Variants in GRID2 observed in about 807,000 individuals in gnomAD.
The protein encoded by GRID2 is glutamate receptor ionotropic, delta-2.
A neutral mutation model predicts 114.8 loss-of-function variants in GRID2; 33 were observed. That is an observed-to-expected ratio of 0.29 (90% CI 0.22 to 0.38). GRID2 has a LOEUF of 0.38. Among genes scored for constraint, GRID2 ranks in the 10% least tolerant of loss-of-function variants. GRID2 has a pLI of 1.00. For synonymous variants in GRID2, 505 were observed against 449.9 expected (o/e 1.12, Z -1.55); for missense variants, 1,184 against 1,257.7 (o/e 0.94, Z 0.89).
At chr4:92,487,215 CAA>C (rs1722939711) in intron 1 of GRID2, among the ~76,000 whole-genome samples, 1 of 151,868 alleles carries the variant, frequency 6.6e-6, no homozygotes, top group African/African-American at 2.4e-5. Flanking sequence ...AAGTTTAATT[CAA>C]GACTAATTTT....
intron 13 of GRID2, among the ~76,000 whole-genome samples, chr4:93,594,484 G>C (rs1053294948): frequency 6.6e-6 from 1 of 152,178 alleles, no homozygotes; most frequent in Non-Finnish European, 1.5e-5. Context: ...ATTTAAGTCT[G>C]CAGAGGTTAC....
intron 2 of GRID2, among the ~76,000 whole-genome samples, chr4:92,898,331 A>G: frequency 6.6e-6 from 1 of 152,178 alleles, no homozygotes; most frequent in Non-Finnish European, 1.5e-5. Context: ...TTAACCATAT[A>G]TAGAACCTAG....
chr4:93,649,822 A>G (rs1270071324), intron 14 of GRID2, among the ~76,000 whole-genome samples: 1 of 152,186 alleles, frequency 6.6e-6, no homozygotes, highest in African/African-American at 2.4e-5. Flanking sequence ...CTGTCGCATA[A>G]CTTTATAACT....
intron 2 of GRID2, among the ~76,000 whole-genome samples, chr4:92,720,997 C>T (rs1218620093): frequency 6.6e-6 from 1 of 152,074 alleles, no homozygotes; most frequent in Non-Finnish European, 1.5e-5. Context: ...TCTGACACAT[C>T]ATACTGCAGT....
At chr4:92,561,846 A>C (rs1009444543) in intron 1 of GRID2, among the ~76,000 whole-genome samples, 1 of 152,178 alleles carries the variant, frequency 6.6e-6, no homozygotes, top group Non-Finnish European at 1.5e-5. Flanking sequence ...GTTATTCCTC[A>C]TGCTGAAACT....
chr4:93,541,426 T>C (rs11944426), intron 13 of GRID2, among the ~76,000 whole-genome samples: 3,989 of 152,240 alleles, frequency 0.026, 162 homozygotes, highest in African/African-American at 0.09. Flanking sequence ...GAGAGTTAAG[T>C]GATTCTTGGG....
chr4:93,230,727 G>A (rs930679768), intron 7 of GRID2, among the ~76,000 whole-genome samples: 1 of 151,508 alleles, frequency 6.6e-6, no homozygotes, highest in African/African-American at 2.4e-5. Context: ...CTTGTTCATG[G>A]CAATCATTTT....
chr4:92,692,151 C>A (rs1389322258), intron 2 of GRID2, among the ~76,000 whole-genome samples: 1 of 152,078 alleles, frequency 6.6e-6, no homozygotes, highest in Admixed American at 6.5e-5. Context: ...TCCTGTTTCT[C>A]CCAGTGAAGT....
intron 6 of GRID2, 41 bp downstream of exon 6, chr4:93,216,952 G>T (rs1744297666): frequency 2.1e-6 from 3 of 1,422,706 alleles, no homozygotes; most frequent in African/African-American, 1.4e-5. Context: ...AGGGTGCTTT[G>T]TTGGGCAATT....
At chr4:92,755,013 A>G (rs1416384326) in intron 2 of GRID2, among the ~76,000 whole-genome samples, 2 of 152,098 alleles carry the variant, frequency 1.3e-5, no homozygotes, top group Admixed American at 1.3e-4. Context: ...TGTGCTTCAT[A>G]TTGCAACTGC....
chr4:92,676,137 T>C (rs966393348), intron 2 of GRID2, among the ~76,000 whole-genome samples: 1 of 148,564 alleles, frequency 6.7e-6, no homozygotes, highest in Non-Finnish European at 1.5e-5. Flanking sequence ...TCATATGTTA[T>C]GATGCATTGT....
chr4:93,405,286 C>T (rs1766300891), intron 9 of GRID2, among the ~76,000 whole-genome samples: 1 of 152,136 alleles, frequency 6.6e-6, no homozygotes, highest in Non-Finnish European at 1.5e-5. Flanking sequence ...TATATGTGTT[C>T]ACTTCAGCGC....
At chr4:93,124,751 A>G (rs1734120749) in intron 4 of GRID2, among the ~76,000 whole-genome samples, 1 of 152,176 alleles carries the variant, frequency 6.6e-6, no homozygotes, top group African/African-American at 2.4e-5. Context: ...ACTTTTTCTC[A>G]CTATAATACA....
At chr4:93,600,234 CAAAA>C (rs539097397) in intron 13 of GRID2, among the ~76,000 whole-genome samples, 1 of 151,172 alleles carries the variant, frequency 6.6e-6, no homozygotes, top group Non-Finnish European at 1.5e-5. Flanking sequence ...TTTACAAAAA[CAAAA>C]AAAATTCTAC....
At position 93,800,981 on chromosome 4, in the gene GRID2, A is replaced by G. The variant is rs910601888; in HGVS notation, c.222-5734A>G. ...GGTAATGTCATTAGCACAAAAACGT[A>G]ATTAGTGCTCAATACAACTAATAAA... is the stretch of plus-strand genomic sequence containing the variant. On this transcript the variant is annotated intron_variant, in intron 1 of 1. Coordinates refer to the GRID2 transcript ENST00000637838. Among the ~76,000 whole-genome samples the G allele has an allele frequency of 1.8e-4, 27 of 152,220 alleles. 1 individual carries two copies. Among genetic ancestry groups the G allele is most frequent in the Admixed American group, 1.8e-3 (27 of 15,280 alleles).
rs192400798 is a variant in GRID2 at position 92,934,412 on chromosome 4, G to C, written c.245-150583G>C. On this transcript the variant is annotated intron_variant, in intron 2 of 15. Transcript: ENST00000282020. The stretch of plus-strand genomic sequence containing the variant: ...GAGACTTTGCTGAAGCTGCTTATCA[G>C]CTTAAGGAGATTTTGGGCTGAGACA... 1.8e-3 allele frequency among the ~76,000 whole-genome samples: 273 copies of C among 149,640 alleles called. 1 individual carries two copies. Among genetic ancestry groups the C allele is most frequent in the African/African-American group, 6.4e-3 (267 of 41,410 alleles).
intron 1 of GRID2, among the ~76,000 whole-genome samples, chr4:92,363,359 A>G (rs924349518): frequency 3.3e-5 from 5 of 152,106 alleles, no homozygotes; most frequent in African/African-American, 1.2e-4. Flanking sequence ...AGGTGTGTCT[A>G]AAAGTATGAA....
At chr4:92,896,572 A>G (rs942667563) in intron 2 of GRID2, among the ~76,000 whole-genome samples, 2 of 150,876 alleles carry the variant, frequency 1.3e-5, no homozygotes, top group East Asian at 3.9e-4. Context: ...ATATATATAT[A>G]TAGTCAATTG....
intron 1 of GRID2, among the ~76,000 whole-genome samples, chr4:92,323,804 T>C (rs1330328679): frequency 6.6e-6 from 1 of 152,034 alleles, no homozygotes; most frequent in African/African-American, 2.4e-5. Flanking sequence ...CTGTTAGAGA[T>C]TGTCCAGAGC....
Sources: gnomAD v4.1 joint callset for allele counts (sites outside exome capture counted in the v4.1 genomes callset) on GRCh38, gnomAD v4.1.1 for gene constraint, MANE v1.5 for transcripts, NCBI Gene and HGNC (gene_info 2026-07-23, HGNC 2026-07-21) for gene names.